KIRREL3: variants seen among roughly 807,000 people sequenced by gnomAD.
KIRREL3 encodes kirre like nephrin family adhesion molecule 3.
In KIRREL3, 36 loss-of-function variants were observed where a neutral mutation model predicts 89.7. That is an observed-to-expected ratio of 0.40 (90% CI 0.31 to 0.53). The LOEUF (loss-of-function observed/expected upper bound fraction) is 0.53, where lower values mean the gene tolerates loss of function less well. KIRREL3 is among the 20% of genes least tolerant of loss of function. KIRREL3 has a pLI of 0.49. For synonymous variants in KIRREL3, 445 were observed against 441.4 expected, an observed-to-expected ratio of 1.01 and a Z score of -0.10; for missense variants, 864 against 1,056.6, an observed-to-expected ratio of 0.82 and a Z score of 2.53.
intron 4 of KIRREL3, among the ~76,000 whole-genome samples, chr11:126,517,660 G>A (rs183098266): frequency 3.3e-5 from 5 of 152,288 alleles, no homozygotes; most frequent in South Asian, 4.2e-4. Context: ...CGGTCACTGC[G>A]CCAATCTTGG....
Position 126,427,306 on chromosome 11 carries a change from C to G in KIRREL3, c.1807-1582G>C, listed in dbSNP as rs1478664456. ...CAGGGGAAATAGATGAGCGTAGACT[C>G]AGAAACATGACCTTTGCCCTTGAGG... is the stretch of plus-strand genomic sequence containing the variant. On this transcript the variant is annotated intron_variant, in intron 15 of 16. Coordinates refer to ENST00000525144, the MANE Select transcript of KIRREL3 (RefSeq NM_032531.4). This position sits in a 1 kb window ranked among gnomAD's most constrained non-coding sequence, Gnocchi z 5.3. Among the ~76,000 whole-genome samples the G allele has an allele frequency of 1.3e-5, 2 of 152,182 alleles. No individual in the cohort carries two copies. Among genetic ancestry groups the G allele is most frequent in the Non-Finnish European group, 2.9e-5 (2 of 68,028 alleles).
At chr11:126,707,341 T>G (rs1459436850) in intron 1 of KIRREL3, among the ~76,000 whole-genome samples, 1 of 152,014 alleles carries the variant, frequency 6.6e-6, no homozygotes, top group African/African-American at 2.4e-5. Context: ...GGTTTCGTCT[T>G]TCATCTAGGC....
chr11:126,556,641 A>G (rs1027636487), intron 2 of KIRREL3, among the ~76,000 whole-genome samples: 2 of 152,106 alleles, frequency 1.3e-5, no homozygotes, highest in African/African-American at 4.8e-5. Flanking sequence ...TGAAAAAAAG[A>G]AAAAAGGAAC....
chr11:126,863,492 T>G (rs1478525993), intron 1 of KIRREL3, among the ~76,000 whole-genome samples: 3 of 50,720 alleles, frequency 5.9e-5, no homozygotes, highest in African/African-American at 2.6e-4. Flanking sequence ...TGTGAGTGCG[T>G]GTGTGAGTGT....
In KIRREL3 at chr11:126,755,731, A is replaced by C. The variant is rs1947400550; in HGVS notation, c.56-192819T>G. ...CCTTGTCAGAATGTGTCTTCCTGCC[A>C]GCTTCAAGCAACTCTTTCCATGCCC... On this transcript the variant is annotated intron_variant, in intron 1 of 16. Coordinates refer to ENST00000525144, the MANE Select transcript of KIRREL3 (RefSeq NM_032531.4). This position sits in a 1 kb window ranked among gnomAD's most constrained non-coding sequence, Gnocchi z 4.3. Among the ~76,000 whole-genome samples, 1 of 152,036 alleles carries C rather than the reference A, an allele frequency of 6.6e-6. No individual in the cohort carries two copies. Among genetic ancestry groups the C allele is most frequent in the African/African-American group, 2.4e-5 (1 of 41,394 alleles).
chr11:126,554,463 T>C (rs1281793021), intron 2 of KIRREL3, among the ~76,000 whole-genome samples: 5 of 152,212 alleles, frequency 3.3e-5, no homozygotes, highest in Non-Finnish European at 7.3e-5. Flanking sequence ...TTACTCTGGA[T>C]GAATCACATC....
rs1030572477 is a variant in KIRREL3 at position 126,474,684 on chromosome 11, G to A, written c.434-1218C>T. Among the ~76,000 whole-genome samples, 2 of 152,188 alleles carry A rather than the reference G, an allele frequency of 1.3e-5. No homozygotes were observed. Among genetic ancestry groups the A allele is most frequent in the African/African-American group, 4.8e-5 (2 of 41,448 alleles). On this transcript the variant is annotated intron_variant, in intron 4 of 16. Transcript: ENST00000525144. The surrounding 1 kb of genome is among the most constrained non-coding windows in gnomAD (Gnocchi z 6.7). ...AGGGATCCTGAGTGCCAGGAAGAGG[G>A]CCATCCGCGTCGGAGCACGGTCTCC... is the stretch of plus-strand genomic sequence containing the variant.
chr11:126,968,271 C>T (rs1949332709), intron 1 of KIRREL3, among the ~76,000 whole-genome samples: 1 of 151,984 alleles, frequency 6.6e-6, no homozygotes, highest in South Asian at 2.1e-4. Context: ...TTACATGCCA[C>T]AGCTTGCATA....
At chr11:126,698,665 A>G (rs548165984) in intron 1 of KIRREL3, among the ~76,000 whole-genome samples, 1 of 152,380 alleles carries the variant, frequency 6.6e-6, no homozygotes, top group African/African-American at 2.4e-5. Flanking sequence ...AAAGAGAAGA[A>G]GCCAGCCGGG....
rs1333288740 is a variant in KIRREL3, at chr11:126,740,731, A to T, written c.56-177819T>A. Among the ~76,000 whole-genome samples the T allele has an allele frequency of 6.6e-6, 1 of 152,140 alleles. No individual in the cohort carries two copies. The highest frequency in any genetic ancestry group is 1.5e-5 in the Non-Finnish European group (1 of 68,014). On this transcript the variant is annotated intron_variant, in intron 1 of 16. Transcript: ENST00000525144. This position sits in a 1 kb window ranked among gnomAD's most constrained non-coding sequence, Gnocchi z 6.0. ...TGGGGCTAGGGACAGGGAGCACAAA[A>T]ATGGCCTGAAAGATAAATTTGTATT...
intron 1 of KIRREL3, among the ~76,000 whole-genome samples, chr11:126,775,957 A>G (rs997595999): frequency 6.6e-6 from 1 of 152,166 alleles, no homozygotes; most frequent in Non-Finnish European, 1.5e-5. Context: ...GGGGAGGTAC[A>G]ATGGCTGAGG....
chr11:126,713,794 A>G (rs964792359), intron 1 of KIRREL3, among the ~76,000 whole-genome samples: 5 of 152,136 alleles, frequency 3.3e-5, no homozygotes, highest in Non-Finnish European at 7.3e-5. Context: ...GGTGATGTTC[A>G]ACCTGAGGCT....
intron 1 of KIRREL3, among the ~76,000 whole-genome samples, chr11:126,698,706 T>C (rs1237730326): frequency 6.6e-6 from 1 of 152,204 alleles, no homozygotes; most frequent in Non-Finnish European, 1.5e-5. Flanking sequence ...GGCCATGTAT[T>C]AGCTCAGCTC....
chr11:126,503,983 T>C (rs909692035), intron 4 of KIRREL3, among the ~76,000 whole-genome samples: 4 of 152,220 alleles, frequency 2.6e-5, no homozygotes, highest in African/African-American at 7.2e-5. Flanking sequence ...GTATTTGTTA[T>C]AGCAGCCTGA....
intron 1 of KIRREL3, among the ~76,000 whole-genome samples, chr11:126,939,441 A>G (rs879902422): frequency 4.6e-5 from 7 of 152,318 alleles, no homozygotes; most frequent in Admixed American, 4.6e-4. Flanking sequence ...GGGAGAAGAC[A>G]GGCCTCAGAT....
chr11:126,669,773 A>G lies in KIRREL3; in HGVS notation c.56-106861T>C, dbSNP rs776407084. Reference sequence around the variant, plus strand: ...CATTGAGATACAGATGATTTTTTAAATTATAAATCCAGTCTTGACCTATCC... The same window carrying G: ...CATTGAGATACAGATGATTTTTTAAGTTATAAATCCAGTCTTGACCTATCC... On this transcript the variant is annotated intron_variant, in intron 1 of 16. Transcript: ENST00000525144. This position sits in a 1 kb window ranked among gnomAD's most constrained non-coding sequence, Gnocchi z 5.0. Among the ~76,000 whole-genome samples, 2 of 152,226 alleles carry G rather than the reference A, an allele frequency of 1.3e-5. No homozygotes were observed. Among genetic ancestry groups the G allele is most frequent in the Non-Finnish European group, 2.9e-5 (2 of 68,044 alleles).
In KIRREL3 at chr11:126,687,320, G is replaced by A. The variant is rs1365152817; in HGVS notation, c.56-124408C>T. On this transcript the variant is annotated intron_variant, in intron 1 of 16. Transcript: ENST00000525144. This position sits in a 1 kb window ranked among gnomAD's most constrained non-coding sequence, Gnocchi z 4.6. ...ACAAAATTGCCTTCAAATTAGCACA[G>A]AGAGGGAAAAATCAACGCATACCTC... Among the ~76,000 whole-genome samples the A allele has an allele frequency of 2.6e-5, 4 of 152,296 alleles. No homozygotes were observed. Among genetic ancestry groups the A allele is most frequent in the African/African-American group, 9.6e-5 (4 of 41,556 alleles).
rs1242667511 is a variant in KIRREL3, at chr11:126,640,158, T to C, written c.56-77246A>G. Among the ~76,000 whole-genome samples the C allele has an allele frequency of 1.3e-5, 2 of 152,170 alleles. No homozygotes were observed. Among genetic ancestry groups the C allele is most frequent in the African/African-American group, 2.4e-5 (1 of 41,450 alleles). ...AAAAAAATAAGGCATAGAAGCTCTA[T>C]GATTTTCTGTCTATCTCACTCACCC... On this transcript the variant is annotated intron_variant, in intron 1 of 16. Transcript: ENST00000525144. The surrounding 1 kb of genome is among the most constrained non-coding windows in gnomAD (Gnocchi z 4.9).
rs1565423411 is a variant in KIRREL3 at position 126,923,202 on chromosome 11, T to TTC, written c.55+77251_55+77252dup. On this transcript the variant is annotated intron_variant, in intron 1 of 16. Coordinates refer to ENST00000525144, the MANE Select transcript of KIRREL3 (RefSeq NM_032531.4). ...TCTTCTTCTTCTCTTCTTCTTCTTC[T>TTC]TCTTCTTCTTCTTCTTCTTCTTCTT... 8.3e-3 allele frequency among the ~76,000 whole-genome samples: 64 copies of TTC among 7,752 alleles called. 15 individuals are homozygous for TTC. Among genetic ancestry groups the TTC allele is most frequent in the East Asian group, 0.012 (5 of 420 alleles). The allele number at this position is 7,752 out of a possible 152,430, so 5.1% of individuals were successfully genotyped here.
Sources: gnomAD v4.1 joint callset for allele counts (sites outside exome capture counted in the v4.1 genomes callset) on GRCh38, gnomAD v4.1.1 for gene constraint, Gnocchi (gnomAD v3.1) non-coding constraint, MANE v1.5 for transcripts, NCBI Gene and HGNC (gene_info 2026-07-23, HGNC 2026-07-21) for gene names.